KCND2: variants seen among roughly 807,000 people sequenced by gnomAD.
KCND2 encodes A-type voltage-gated potassium channel KCND2.
In KCND2, 16 loss-of-function variants were observed where a neutral mutation model predicts 54.4. The ratio of observed to expected loss-of-function variants is 0.29; its 90% CI spans 0.20 to 0.45. The LOEUF (loss-of-function observed/expected upper bound fraction) is 0.45, where lower values mean the gene tolerates loss of function less well. Ranked by LOEUF, KCND2 falls within the 20% of genes least tolerant of loss-of-function variation. The pLI is 1.00. For missense variants in KCND2, 486 were observed against 824.2 expected (o/e 0.59, Z 5.02); for synonymous variants, 317 against 310.7 (o/e 1.02, Z -0.21).
chr7:120,644,875 C>G (rs1213460351), intron 1 of KCND2, among the ~76,000 whole-genome samples: 5 of 152,190 alleles, frequency 3.3e-5, no homozygotes, highest in African/African-American at 1.2e-4. Context: ...TCTAAACCTT[C>G]ATACACGCAT....
intron 1 of KCND2, among the ~76,000 whole-genome samples, chr7:120,619,822 A>C (rs560895352): frequency 6.6e-6 from 1 of 152,352 alleles, no homozygotes; most frequent in Non-Finnish European, 1.5e-5. Context: ...TTATTTTTAT[A>C]TTGTCATAAT....
At chr7:120,590,601 G>A (rs1792658557) in intron 1 of KCND2, among the ~76,000 whole-genome samples, 1 of 152,112 alleles carries the variant, frequency 6.6e-6, no homozygotes, top group South Asian at 2.1e-4. Flanking sequence ...TTTTGTGTCT[G>A]TATTTTTGGA....
intron 1 of KCND2, among the ~76,000 whole-genome samples, chr7:120,375,264 A>C (rs1447861789): frequency 6.6e-6 from 1 of 151,950 alleles, no homozygotes; most frequent in East Asian, 1.9e-4. Flanking sequence ...TGAAATAGCT[A>C]CCTTTTCCCC....
At chr7:120,697,717 T>G (rs1584887832) in intron 1 of KCND2, among the ~76,000 whole-genome samples, 1 of 152,060 alleles carries the variant, frequency 6.6e-6, no homozygotes, top group African/African-American at 2.4e-5. Flanking sequence ...CTAAGAACAA[T>G]TAGCAAAGCT....
intron 1 of KCND2, among the ~76,000 whole-genome samples, chr7:120,488,612 CTA>C (rs1802727796): frequency 6.6e-6 from 1 of 152,084 alleles, no homozygotes; most frequent in African/African-American, 2.4e-5. Flanking sequence ...AACATTAACA[CTA>C]TACAAAAATT....
At chr7:120,686,937 C>T (rs1029929048) in intron 1 of KCND2, among the ~76,000 whole-genome samples, 9 of 152,064 alleles carry the variant, frequency 5.9e-5, no homozygotes, top group African/African-American at 2.2e-4. Flanking sequence ...TCCTTGGCAC[C>T]GGTTGTGAAC....
intron 1 of KCND2, among the ~76,000 whole-genome samples, chr7:120,426,655 TCTGTCGCCCAGGCTGGAGTGCAGTGGC>T (rs1801712522): frequency 9.0e-6 from 1 of 111,496 alleles, no homozygotes; most frequent in Non-Finnish European, 1.7e-5. Context: ...AGTGGCGCAA[TCTGTCGCCCAGGCTGGAGTGCAGTGGC>T]GCAATCTCAG....
chr7:120,530,348 A>G (rs901666406), intron 1 of KCND2, among the ~76,000 whole-genome samples: 1 of 152,122 alleles, frequency 6.6e-6, no homozygotes, highest in African/African-American at 2.4e-5. Flanking sequence ...TGAGGACTAA[A>G]TCCACTATGC....
chr7:120,313,741 ATTT>A (rs386411129), intron 1 of KCND2, among the ~76,000 whole-genome samples: 1 of 132,262 alleles, frequency 7.6e-6, no homozygotes, highest in African/African-American at 2.8e-5. Context: ...GTCTCCTGGG[ATTT>A]TTTTTTTTTT....
At chr7:120,281,515 T>C (rs1799263548) in intron 1 of KCND2, among the ~76,000 whole-genome samples, 1 of 152,070 alleles carries the variant, frequency 6.6e-6, no homozygotes, top group Non-Finnish European at 1.5e-5. Flanking sequence ...GTTTTCTCCT[T>C]TGAGAGGCAG....
At chr7:120,472,974 A>G (rs192500475) in intron 1 of KCND2, among the ~76,000 whole-genome samples, 13 of 152,336 alleles carry the variant, frequency 8.5e-5, no homozygotes, top group African/African-American at 2.9e-4. Context: ...CAAAATGTAG[A>G]CAGTAGTGGA....
chr7:120,694,556 A>T (rs1002088512), intron 1 of KCND2, among the ~76,000 whole-genome samples: 6 of 152,200 alleles, frequency 3.9e-5, no homozygotes, highest in African/African-American at 1.4e-4. Context: ...CAGTGGAACT[A>T]TAGATATTTT....
intron 1 of KCND2, among the ~76,000 whole-genome samples, chr7:120,478,278 TG>T (rs1802558307): frequency 6.6e-6 from 1 of 152,196 alleles, no homozygotes; most frequent in Admixed American, 6.5e-5. Flanking sequence ...TAATGTCATA[TG>T]GTTTGTGACA....
At chr7:120,381,773 G>A (rs1287955412) in intron 1 of KCND2, among the ~76,000 whole-genome samples, 2 of 152,002 alleles carry the variant, frequency 1.3e-5, no homozygotes, top group Admixed American at 1.3e-4. Flanking sequence ...TAACTATAAG[G>A]TTTGGTTTGA....
At chr7:120,402,417 GTGT>G (rs1385458947) in intron 1 of KCND2, among the ~76,000 whole-genome samples, 2 of 152,146 alleles carry the variant, frequency 1.3e-5, no homozygotes, top group Non-Finnish European at 2.9e-5. Flanking sequence ...TCTGACCTAA[GTGT>G]TGTTGTTTTT....
intron 1 of KCND2, among the ~76,000 whole-genome samples, chr7:120,449,454 G>C (rs958017014): frequency 6.6e-6 from 1 of 152,140 alleles, no homozygotes; most frequent in Non-Finnish European, 1.5e-5. Context: ...ATCATTTAAG[G>C]AGATTTTAGA....
At chr7:120,407,930 AGAG>A (rs989692909) in intron 1 of KCND2, among the ~76,000 whole-genome samples, 2 of 151,752 alleles carry the variant, frequency 1.3e-5, no homozygotes, top group African/African-American at 4.8e-5. Flanking sequence ...GTGTAGGTGA[AGAG>A]GAGTCAAGGA....
In KCND2 at chr7:120,745,978, C is replaced by T. The variant is rs750068154; in HGVS notation, c.1666C>T (p.Leu556Phe). The T allele has an allele frequency of 6.2e-7, 1 of 1,613,812 alleles. No homozygotes were observed. The highest frequency in any genetic ancestry group is 8.5e-7 in the Non-Finnish European group (1 of 1,179,776). The change falls in exon 5 of 6, where the codon CTC (leucine) becomes TTC (phenylalanine). Residue 556 changes from leucine to phenylalanine, a missense_variant. Leu to Phe is a conservative substitution (Grantham distance 22, BLOSUM62 0). Around this residue, in one of 7 missense-constraint regions of KCND2, gnomAD observed 202 missense variants for 252.7 expected, o/e 0.80. Coordinates refer to ENST00000331113, the MANE Select transcript of KCND2 (RefSeq NM_012281.3). ...AAGCCATCAAGGTAGTATACAAGAA[C>T]TCAGCACGATTCAGATCAGATGTGT... ...SGSHQGSIQE[L>F]STIQIRCVER...
At chr7:120,384,957 T>C (rs985940486) in intron 1 of KCND2, among the ~76,000 whole-genome samples, 1 of 151,778 alleles carries the variant, frequency 6.6e-6, no homozygotes, top group African/African-American at 2.4e-5. Context: ...TGGTTACTCC[T>C]GGTTACTTTT....
Sources: gnomAD v4.1 joint callset for allele counts (sites outside exome capture counted in the v4.1 genomes callset) on GRCh38, gnomAD v4.1.1 for gene constraint, gnomAD v4.1.1 regional missense constraint, MANE v1.5 for transcripts, NCBI Gene and HGNC (gene_info 2026-07-23, HGNC 2026-07-21) for gene names.